ATP9B: variants seen among roughly 807,000 people sequenced by gnomAD.
ATP9B encodes ATPase phospholipid transporting 9B, also known as probable phospholipid-transporting ATPase IIB.
ATP9B carries 110 observed loss-of-function variants against 146.1 expected under a neutral mutation model. The observed-to-expected ratio is 0.75, with a 90% CI of 0.65 to 0.88. The LOEUF (loss-of-function observed/expected upper bound fraction) is 0.88. Ranked by LOEUF, ATP9B falls within the 40% of genes least tolerant of loss-of-function variation. ATP9B has a pLI of 0.00. For synonymous variants in ATP9B, 604 were observed against 569.7 expected (o/e 1.06, Z -0.86); for missense variants, 1,499 against 1,496.4 (o/e 1.00, Z -0.03).
chr18:79,368,261 A>G (rs1003096222), intron 26 of ATP9B, among the ~76,000 whole-genome samples: 9 of 152,254 alleles, frequency 5.9e-5, no homozygotes, highest in Non-Finnish European at 1.3e-4. Context: ...AGAATTGGGC[A>G]TGGCGCCAGG....
chr18:79,331,225 C>T (rs1026122552), intron 17 of ATP9B, among the ~76,000 whole-genome samples: 5 of 152,206 alleles, frequency 3.3e-5, no homozygotes, highest in South Asian at 2.1e-4. Flanking sequence ...TCTGTCCGTG[C>T]AGCCTCCACA....
chr18:79,125,282 C>T (rs1163500058), intron 4 of ATP9B, among the ~76,000 whole-genome samples: 1 of 151,912 alleles, frequency 6.6e-6, no homozygotes, highest in African/African-American at 2.4e-5. Flanking sequence ...GGCAGAGGGG[C>T]TGAAAAGGAG....
intron 25 of ATP9B, chr18:79,353,287 C>T (rs909401259): frequency 5.3e-5 from 8 of 152,276 alleles, no homozygotes; most frequent in Non-Finnish European, 7.3e-5. Context: ...AAGGAAAACA[C>T]TCATGCTTCC....
intron 13 of ATP9B, among the ~76,000 whole-genome samples, chr18:79,300,192 C>A (rs2096581210): frequency 6.6e-6 from 1 of 152,170 alleles, no homozygotes; most frequent in Non-Finnish European, 1.5e-5. Context: ...CACTCCATGT[C>A]TGAAGTGGGG....
intron 15 of ATP9B, among the ~76,000 whole-genome samples, chr18:79,321,415 C>T (rs1306058025): frequency 6.7e-6 from 1 of 148,326 alleles, no homozygotes; most frequent in African/African-American, 2.5e-5. Flanking sequence ...CAGAGTCTCG[C>T]TCTATTGCCC....
chr18:79,103,072 A>G (rs1193481233), intron 2 of ATP9B, among the ~76,000 whole-genome samples: 1 of 152,126 alleles, frequency 6.6e-6, no homozygotes, highest in African/African-American at 2.4e-5. Flanking sequence ...TAGCAGTGGT[A>G]TTACTTCTTC....
intron 17 of ATP9B, among the ~76,000 whole-genome samples, chr18:79,330,403 T>C (rs60263406): frequency 0.013 from 1,984 of 152,106 alleles, 53 homozygotes; most frequent in African/African-American, 0.045. Flanking sequence ...GTCCTATCTA[T>C]TTATAAATAG....
chr18:79,356,902 T>C (rs866227654), intron 25 of ATP9B, among the ~76,000 whole-genome samples: 87 of 29,650 alleles, frequency 2.9e-3, no homozygotes, highest in East Asian at 3.7e-3. Context: ...TGGAGGTGTC[T>C]GTGTGAGGGG....
chr18:79,110,577 C>A, intron 3 of ATP9B, 72 bp downstream of exon 3: 1 of 1,416,632 alleles, frequency 7.1e-7, no homozygotes, highest in Non-Finnish European at 9.5e-7. Flanking sequence ...TAGGATGGAG[C>A]CTGTTGAGAC....
chr18:79,120,873 C>G (rs999189892), intron 4 of ATP9B, among the ~76,000 whole-genome samples: 2 of 152,164 alleles, frequency 1.3e-5, no homozygotes, highest in Admixed American at 1.3e-4. Flanking sequence ...AAAAATCTTC[C>G]CTTCATCCAC....
At chr18:79,069,651 G>A in intron 1 of ATP9B, 122 bp downstream of exon 1, 1 of 580,618 alleles carries the variant, frequency 1.7e-6, no homozygotes, top group Non-Finnish European at 2.6e-6. Context: ...TGTTCGCTGG[G>A]AGCCGGGAGT....
At chr18:79,324,907 C>T (rs1056781950) in intron 15 of ATP9B, among the ~76,000 whole-genome samples, 6 of 152,150 alleles carry the variant, frequency 3.9e-5, no homozygotes, top group Admixed American at 2.6e-4. Context: ...AGGAGAAATT[C>T]CAACATTGTA....
At chr18:79,370,092 C>T (rs1246600149) in intron 26 of ATP9B, among the ~76,000 whole-genome samples, 1 of 152,012 alleles carries the variant, frequency 6.6e-6, no homozygotes, top group African/African-American at 2.4e-5. Flanking sequence ...GAGCAAGACT[C>T]CATCTCAAAA....
At chr18:79,277,332 G>A (rs2096323183) in intron 13 of ATP9B, 136 bp downstream of exon 13, 1 of 1,124,954 alleles carries the variant, frequency 8.9e-7, no homozygotes, top group South Asian at 1.7e-5. Context: ...TCCATATTTA[G>A]AATTTTTCAG....
intron 4 of ATP9B, among the ~76,000 whole-genome samples, chr18:79,119,009 T>A (rs143528854): frequency 1.6e-4 from 25 of 151,536 alleles, no homozygotes; most frequent in African/African-American, 5.6e-4. Flanking sequence ...ACACAGAAAT[T>A]GTTGTGAGCC....
At chr18:79,148,201 C>T (rs1002211637) in intron 6 of ATP9B, among the ~76,000 whole-genome samples, 1 of 152,162 alleles carries the variant, frequency 6.6e-6, no homozygotes, top group Non-Finnish European at 1.5e-5. Context: ...TACCTAGGTC[C>T]AGGAGAATTC....
At chr18:79,277,230 G>A (rs750963053) in intron 13 of ATP9B, 34 bp downstream of exon 13, 1 of 1,608,854 alleles carries the variant, frequency 6.2e-7, no homozygotes, top group Non-Finnish European at 8.5e-7. Flanking sequence ...CCTTTGAATG[G>A]ACAAAATGAC....
intron 17 of ATP9B, among the ~76,000 whole-genome samples, chr18:79,336,217 T>C (rs544445505): frequency 1.3e-5 from 2 of 152,070 alleles, no homozygotes; most frequent in East Asian, 3.9e-4. Flanking sequence ...AGCACCGCCA[T>C]GTGCACCCTC....
intron 26 of ATP9B, among the ~76,000 whole-genome samples, chr18:79,365,036 A>G (rs1288729281): frequency 1.3e-5 from 2 of 151,954 alleles, no homozygotes; most frequent in Non-Finnish European, 2.9e-5. Flanking sequence ...TCTCAAAAAA[A>G]AAAAGTTTTT....
Sources: allele counts gnomAD v4.1 joint callset (sites outside exome capture counted in the v4.1 genomes callset), GRCh38; gene constraint gnomAD v4.1.1; transcripts MANE v1.5; gene names NCBI Gene and HGNC (gene_info 2026-07-23, HGNC 2026-07-21).